ASPSCR1: variants seen among roughly 807,000 people sequenced by gnomAD.
The protein encoded by ASPSCR1 is tether containing UBX domain for GLUT4.
Under a neutral mutation model 68.9 loss-of-function variants are expected in ASPSCR1, and 55 were observed. The ratio of observed to expected loss-of-function variants is 0.80; its 90% CI spans 0.64 to 1.00. The LOEUF (loss-of-function observed/expected upper bound fraction) is 1.00. Ranked by LOEUF, ASPSCR1 falls within the 50% of genes least tolerant of loss-of-function variation. The pLI is 0.00. For missense variants in ASPSCR1, 765 were observed against 762.2 expected (o/e 1.00, Z -0.04); for synonymous variants, 352 against 332.6 (o/e 1.06, Z -0.63).
Position 81,996,658 on chromosome 17 carries a change from G to T in ASPSCR1, c.745G>T (p.Gly249Ter). The T allele has an allele frequency of 6.2e-7, 1 of 1,612,916 alleles. No individual in the cohort carries two copies. Among genetic ancestry groups the T allele is most frequent in the Admixed American group, 1.7e-5 (1 of 59,778 alleles). Residue 249 changes from glycine (G) to a stop codon, truncating the protein, a stop_gained, in exon 7 of 16, where the codon GGA becomes TGA. Transcript: ENST00000306739. LOFTEE classifies it high-confidence loss of function. ...CCCCTTTGTTCCTTTCTCGGGTGGG[G>T]GACAGAGACTGGGGGGCCCTCCTGG... ...AAPFVPFSGG[G>*]QRLGGPPGPT...
rs116268481 is a variant in ASPSCR1 at position 81,991,053 on chromosome 17, C to T, written c.375-3768C>T. ...AGAACCGGGGACTGTTGTGGGTGAC[C>T]GAGACCTGCCGTGGAACGATGCCAA... On this transcript the variant is annotated intron_variant, in intron 4 of 15. Coordinates refer to ENST00000306739, the MANE Select transcript of ASPSCR1 (RefSeq NM_024083.4). 1.1e-3 allele frequency among the ~76,000 whole-genome samples: 173 copies of T among 152,226 alleles called. 1 individual carries two copies. Among genetic ancestry groups the T allele is most frequent in the African/African-American group, 3.9e-3 (161 of 41,524 alleles).
chr17:81,977,786 G>C lies in ASPSCR1; in HGVS notation c.102+38G>C, dbSNP rs1311041242. ...GCCCGGGGCGGACGGGTAGGCGGGC[G>C]GGGGGCGCTGCGCCGAGGCCCCGCC... On this transcript the variant is annotated intron_variant, in intron 1 of 15. Transcript: ENST00000306739. This position sits in a 1 kb window ranked among gnomAD's most constrained non-coding sequence, Gnocchi z 5.0. 1 of 1,204,478 alleles carries C rather than the reference G, an allele frequency of 8.3e-7. No homozygotes were observed. Among genetic ancestry groups the C allele is most frequent in the East Asian group, 3.4e-5 (1 of 29,464 alleles). 74.6% of individuals were successfully genotyped at this position (1,204,478 alleles called of 1,614,324 possible).
At chr17:81,995,183 CGTGGCGCAAGCAAA>C in intron 5 of ASPSCR1, 1 of 479,016 alleles carries the variant, frequency 2.1e-6, no homozygotes. Context: ...CCGAGTGTGG[CGTGGCGCAAGCAAA>C]GCCCGCCGTG....
rs533138341 is a variant in ASPSCR1 at position 81,993,371 on chromosome 17, G to A, written c.375-1450G>A. ...TGGGACCACAGGCGCCCGCCACCAC[G>A]CCTGGCTAATTTTTTGTATTTTTAG... On this transcript the variant is annotated intron_variant, in intron 4 of 15. Coordinates refer to ENST00000306739, the MANE Select transcript of ASPSCR1 (RefSeq NM_024083.4). Among the ~76,000 whole-genome samples the A allele has an allele frequency of 1.3e-4, 20 of 152,154 alleles. 1 individual carries two copies. Among genetic ancestry groups the A allele is most frequent in the South Asian group, 8.3e-4 (4 of 4,816 alleles).
intron 13 of ASPSCR1, 119 bp downstream of exon 13, chr17:82,016,646 T>G (rs2043137094): frequency 6.8e-7 from 1 of 1,463,340 alleles, no homozygotes; most frequent in South Asian, 1.2e-5. Context: ...GAGGGAGATC[T>G]GCGGCCCCCA....
At chr17:82,017,250 G>A (rs375144552) in intron 15 of ASPSCR1, 59 bp from the exon 16 acceptor site, 18 of 1,604,856 alleles carry the variant, frequency 1.1e-5, no homozygotes, top group South Asian at 6.6e-5. Flanking sequence ...GCTGGTGGGC[G>A]GGTGGCCGGG....
rs887325644 is a variant in ASPSCR1 at position 81,987,931 on chromosome 17, G to A, written c.374+2324G>A. ...TCGCAGCACTTTGGGAGGCTGAGGCGGGTGGATCACGAGGTCAGGAGTTCG... is the reference window on the plus strand; with the variant it reads ...TCGCAGCACTTTGGGAGGCTGAGGCAGGTGGATCACGAGGTCAGGAGTTCG... On this transcript the variant is annotated intron_variant, in intron 4 of 15. Transcript: ENST00000306739. The surrounding 1 kb of genome is among the most constrained non-coding windows in gnomAD (Gnocchi z 5.6). Among the ~76,000 whole-genome samples, 3 of 152,052 alleles carry A rather than the reference G, an allele frequency of 2.0e-5. No individual in the cohort carries two copies. Among genetic ancestry groups the A allele is most frequent in the African/African-American group, 4.8e-5 (2 of 41,390 alleles).
chr17:82,011,757 T>G, intron 11 of ASPSCR1, 152 bp downstream of exon 11: 1 of 860,218 alleles, frequency 1.2e-6, no homozygotes, highest in Non-Finnish European at 1.8e-6. Context: ...CAGCCCATGG[T>G]GTCTGTGTGG....
rs751642969 is a variant in ASPSCR1 at position 82,017,089 on chromosome 17, G to T, written c.1624G>T (p.Val542Leu). ...AQPVKRSLGKVPKWLKLPASK... is the reference protein window; with the variant it reads ...AQPVKRSLGKLPKWLKLPASK... ...GCCCGTGAAGAGGAGCCTGGGCAAG[G>T]TGCCCAAGTGGCTGAAGCTGCCGGG... The change falls in exon 15 of 16, where the codon GTG becomes TTG. Residue 542 changes from valine to leucine, a missense_variant. Val to Leu is a conservative substitution (Grantham distance 32). Transcript: ENST00000306739. The T allele has an allele frequency of 7.5e-6, 12 of 1,602,494 alleles. No homozygotes were observed. Among genetic ancestry groups the T allele is most frequent in the Non-Finnish European group, 1.0e-5 (12 of 1,175,754 alleles).
intron 4 of ASPSCR1, among the ~76,000 whole-genome samples, chr17:81,991,468 AG>A (rs1227553446): frequency 2.0e-5 from 3 of 152,138 alleles, no homozygotes; most frequent in Admixed American, 6.5e-5. Context: ...GGGCTCTGCC[AG>A]GTGGAGCACT....
intron 7 of ASPSCR1, 28 bp downstream of exon 7, chr17:81,996,874 T>C: frequency 6.5e-7 from 1 of 1,550,060 alleles, no homozygotes; most frequent in Non-Finnish European, 8.7e-7. Context: ...CCTTGGGACT[T>C]GGGGGTGTCC....
chr17:81,982,916 C>G (rs1024360309), intron 2 of ASPSCR1, among the ~76,000 whole-genome samples: 1 of 152,082 alleles, frequency 6.6e-6, no homozygotes. Context: ...CGGGTTCAAG[C>G]GATTCTCCTG....
At chr17:82,014,903 G>A (rs1049575535) in intron 12 of ASPSCR1, 35 of 805,488 alleles carry the variant, frequency 4.3e-5, no homozygotes, top group Non-Finnish European at 6.5e-5. Flanking sequence ...TGTCAGGGCA[G>A]GGCGGGCACC....
At chr17:81,984,667 T>C (rs1367264892) in intron 3 of ASPSCR1, among the ~76,000 whole-genome samples, 5 of 151,762 alleles carry the variant, frequency 3.3e-5, no homozygotes, top group Admixed American at 3.3e-4. Flanking sequence ...TCAGTGTCTG[T>C]CCTGAGGCTG....
chr17:82,015,343 T>C (rs2043086893), intron 12 of ASPSCR1: 2 of 1,597,872 alleles, frequency 1.3e-6, no homozygotes, highest in Admixed American at 1.7e-5. Context: ...CACAAGCACG[T>C]GGGGACAGGC....
chr17:81,991,791 G>A (rs2144029928), intron 4 of ASPSCR1, among the ~76,000 whole-genome samples: 1 of 152,376 alleles, frequency 6.6e-6, no homozygotes, highest in Non-Finnish European at 1.5e-5. Context: ...TCTGTTCCCG[G>A]CAGGGCGCAT....
chr17:82,004,045 TTG>T (rs1009276642), intron 7 of ASPSCR1, among the ~76,000 whole-genome samples: 7 of 152,102 alleles, frequency 4.6e-5, no homozygotes, highest in African/African-American at 1.7e-4. Flanking sequence ...AACTCTGAGG[TTG>T]GGGCCACCTC....
At chr17:81,995,549 G>C (rs2042308861) in intron 5 of ASPSCR1, 1 of 304,866 alleles carries the variant, frequency 3.3e-6, no homozygotes, top group African/African-American at 2.2e-5. Flanking sequence ...TTCCTCACAG[G>C]TCAGAGTTAG....
intron 12 of ASPSCR1, chr17:82,015,504 T>G: frequency 1.9e-6 from 2 of 1,066,724 alleles, no homozygotes; most frequent in Non-Finnish European, 1.3e-6. Context: ...CAGTGCTGGT[T>G]GGGGGTCCTG....
Sources: gnomAD v4.1 joint callset for allele counts (sites outside exome capture counted in the v4.1 genomes callset) on GRCh38, gnomAD v4.1.1 for gene constraint, Gnocchi (gnomAD v3.1) non-coding constraint, MANE v1.5 for transcripts, NCBI Gene and HGNC (gene_info 2026-07-23, HGNC 2026-07-21) for gene names.